Variants in PNPLA8 observed in about 807,000 individuals in gnomAD.
PNPLA8 encodes patatin like domain 8, phospholipase A2, also known as calcium-independent phospholipase A2-gamma.
PNPLA8 carries 39 observed loss-of-function variants against 76.9 expected under a neutral mutation model. The ratio of observed to expected loss-of-function variants is 0.51; its 90% CI spans 0.39 to 0.66. The LOEUF (loss-of-function observed/expected upper bound fraction) is 0.66, where lower values mean the gene tolerates loss of function less well. Among genes scored for constraint, PNPLA8 ranks in the 30% least tolerant of loss-of-function variants. The probability of loss-of-function intolerance (pLI) is 0.00; values close to 1 mark genes in which losing one functional copy is unlikely to be tolerated. For missense variants in PNPLA8, 887 were observed against 918.0 expected (o/e 0.97, Z 0.44); for synonymous variants, 301 against 307.9 (o/e 0.98, Z 0.24).
rs367636037 is a variant in PNPLA8, at chr7:108,479,388, T to C, written c.1879-9A>G. 66 of 1,586,790 alleles carry C rather than the reference T, an allele frequency of 4.2e-5. No individual in the cohort carries two copies. Among genetic ancestry groups the C allele is most frequent in the Non-Finnish European group, 5.2e-5 (61 of 1,165,522 alleles). Reference sequence around the variant, plus strand: ...AGAAGCAAACCTCCATCCTGCAAAATACAAGTTAAAAAAAGAAACTTTTAA... The same window carrying C: ...AGAAGCAAACCTCCATCCTGCAAAACACAAGTTAAAAAAAGAAACTTTTAA... On this transcript the variant is annotated splice_polypyrimidine_tract_variant and intron_variant, in intron 9 of 10. Coordinates refer to ENST00000257694, the MANE Select transcript of PNPLA8 (RefSeq NM_001256007.3).
chr7:108,526,759 A>AAATGGTCC (rs1864112714), upstream of PNPLA8, among the ~76,000 whole-genome samples: 1 of 152,218 alleles, frequency 6.6e-6, no homozygotes, highest in South Asian at 2.1e-4. Context: ...CACACGTAAC[A>AAATGGTCC]CATCTTTTTA....
chr7:108,499,281 A>C (rs1861779535), intron 5 of PNPLA8, among the ~76,000 whole-genome samples: 1 of 152,198 alleles, frequency 6.6e-6, no homozygotes, highest in Non-Finnish European at 1.5e-5. Context: ...GGTTTTTCTA[A>C]CTACTCGTAT....
intron 1 of PNPLA8, among the ~76,000 whole-genome samples, chr7:108,522,940 C>T (rs1266008245): frequency 2.0e-5 from 3 of 152,116 alleles, no homozygotes; most frequent in African/African-American, 7.2e-5. Flanking sequence ...CCAACAAAAT[C>T]AATAAGTTTA....
chr7:108,479,179 C>G lies in PNPLA8; in HGVS notation c.2074+5G>C. The G allele has an allele frequency of 6.3e-7, 1 of 1,598,268 alleles. No homozygotes were observed. The highest frequency in any genetic ancestry group is 1.3e-5 in the African/African-American group (1 of 74,626). ...AAGTATTTTAAAGCAGCAAACAAGA[C>G]TAACCTTCTGTATCTGTAGCACTGT... On this transcript the variant is annotated splice_donor_5th_base_variant and intron_variant, in intron 10 of 10. Coordinates refer to ENST00000257694, the MANE Select transcript of PNPLA8 (RefSeq NM_001256007.3).
intron 4 of PNPLA8, among the ~76,000 whole-genome samples, chr7:108,504,941 T>A (rs987208655): frequency 6.6e-6 from 1 of 152,010 alleles, no homozygotes; most frequent in South Asian, 2.1e-4. Context: ...CTGGGCATGG[T>A]GGTGCATGCC....
chr7:108,473,153 T>C (rs1378513825), intron 10 of PNPLA8, among the ~76,000 whole-genome samples: 1 of 152,232 alleles, frequency 6.6e-6, no homozygotes, highest in Non-Finnish European at 1.5e-5. Context: ...TGGTGCCCAC[T>C]TTCCCTTTCC....
upstream of PNPLA8, among the ~76,000 whole-genome samples, chr7:108,527,005 ATAC>A (rs1382062911): frequency 6.6e-6 from 1 of 152,252 alleles, no homozygotes; most frequent in Non-Finnish European, 1.5e-5. Flanking sequence ...TAAAGCTTTT[ATAC>A]TACAATAGCG....
intron 2 of PNPLA8, among the ~76,000 whole-genome samples, chr7:108,519,877 C>T (rs1863615649): frequency 6.6e-6 from 1 of 152,162 alleles, no homozygotes; most frequent in Admixed American, 6.5e-5. Context: ...AATGTAACCA[C>T]ACCCAAAGGA....
chr7:108,486,490 A>G (rs1860745902), intron 9 of PNPLA8, among the ~76,000 whole-genome samples: 1 of 152,092 alleles, frequency 6.6e-6, no homozygotes, highest in Non-Finnish European at 1.5e-5. Context: ...TGGAAGAAAG[A>G]GAAGAAAGGC....
At chr7:108,518,774 C>CAT (rs869066263) in intron 2 of PNPLA8, among the ~76,000 whole-genome samples, 1 of 112,040 alleles carries the variant, frequency 8.9e-6, no homozygotes, top group South Asian at 2.6e-4. Flanking sequence ...CACACACACA[C>CAT]ATATATTAAG....
intron 2 of PNPLA8, among the ~76,000 whole-genome samples, chr7:108,516,010 T>C (rs1447753645): frequency 6.6e-6 from 1 of 152,214 alleles, no homozygotes; most frequent in Non-Finnish European, 1.5e-5. Flanking sequence ...ATACTTAATC[T>C]ATACCAGACA....
chr7:108,520,421 G>A (rs1035538670), intron 2 of PNPLA8, among the ~76,000 whole-genome samples: 1 of 152,192 alleles, frequency 6.6e-6, no homozygotes, highest in Admixed American at 6.5e-5. Flanking sequence ...AGATACCAGA[G>A]GCTAGGAACA....
In PNPLA8 at chr7:108,512,509, A is replaced by G. The variant is rs115506590; in HGVS notation, c.1206+1635T>C. ...CAAAATAAGTAACTCATTTTTTTTTAGGGCATTACGTATCAGACATAATTC... is the reference window on the plus strand; with the variant it reads ...CAAAATAAGTAACTCATTTTTTTTTGGGGCATTACGTATCAGACATAATTC... On this transcript the variant is annotated intron_variant, in intron 4 of 10. Transcript: ENST00000257694. 8.9e-3 allele frequency among the ~76,000 whole-genome samples: 1,350 copies of G among 152,108 alleles called. 21 individuals are homozygous for G. Among genetic ancestry groups the G allele is most frequent in the African/African-American group, 0.029 (1,198 of 41,514 alleles).
At position 108,514,491 on chromosome 7, in the gene PNPLA8, A is replaced by G. The variant is rs1368074251; in HGVS notation, c.1001T>C (p.Val334Ala). Reference protein sequence around the residue: ...QEEPAKTDQAVSKDRNAEEKK... With the variant: ...QEEPAKTDQAASKDRNAEEKK... The stretch of plus-strand genomic sequence containing the variant: ...CTCCTCTGCATTTCTGTCTTTGCTG[A>G]CAGCCTGATCAGTTTTAGCAGGCTC... Residue 334 changes from valine (V) to alanine (A), a missense_variant, in exon 3 of 11, where the codon GTC (valine) becomes GCC (alanine). Physicochemically the swap from Val to Ala is moderately conservative, Grantham distance 64. Coordinates refer to ENST00000257694, the MANE Select transcript of PNPLA8 (RefSeq NM_001256007.3). 6.2e-7 allele frequency: 1 copy of G among 1,613,838 alleles called. No homozygotes were observed. Among genetic ancestry groups the G allele is most frequent in the Admixed American group, 1.7e-5 (1 of 59,998 alleles).
intron 2 of PNPLA8, among the ~76,000 whole-genome samples, chr7:108,516,984 T>C (rs924589948): frequency 1.3e-5 from 2 of 151,896 alleles, no homozygotes; most frequent in Admixed American, 1.3e-4. Flanking sequence ...AGGCAGAGAT[T>C]GGGAAAAAAT....
chr7:108,502,672 T>C (rs1318892490), intron 4 of PNPLA8, 30 bp from the exon 5 acceptor site: 1 of 1,558,052 alleles, frequency 6.4e-7, no homozygotes, highest in Admixed American at 1.7e-5. Context: ...ACTTTGTTGC[T>C]TTTGTCAAAT....
chr7:108,520,693 T>A (rs1863672983), intron 2 of PNPLA8, among the ~76,000 whole-genome samples: 1 of 151,966 alleles, frequency 6.6e-6, no homozygotes, highest in African/African-American at 2.4e-5. Flanking sequence ...AAATATCACA[T>A]CTACCCTATA....
chr7:108,490,328 T>C (rs1043443312), intron 8 of PNPLA8, among the ~76,000 whole-genome samples: 1 of 152,142 alleles, frequency 6.6e-6, no homozygotes. Context: ...TTAGCCTACA[T>C]GTGTAGTAGG....
chr7:108,477,903 T>C (rs1359110960), intron 10 of PNPLA8, among the ~76,000 whole-genome samples: 1 of 152,090 alleles, frequency 6.6e-6, no homozygotes, highest in Non-Finnish European at 1.5e-5. Context: ...GGCCAAAACC[T>C]GAAATTCAAC....
Sources: gnomAD v4.1 joint callset for allele counts (sites outside exome capture counted in the v4.1 genomes callset) on GRCh38, gnomAD v4.1.1 for gene constraint, MANE v1.5 for transcripts, NCBI Gene and HGNC (gene_info 2026-07-23, HGNC 2026-07-21) for gene names.